TAFA1: variants seen among roughly 807,000 people sequenced by gnomAD.
TAFA1 encodes the protein TAFA chemokine like family member 1.
In TAFA1, 4 loss-of-function variants were observed where a neutral mutation model predicts 18.5. The observed-to-expected ratio is 0.22, with a 90% CI of 0.11 to 0.49. The LOEUF (loss-of-function observed/expected upper bound fraction) is 0.49. Ranked by LOEUF, TAFA1 falls within the 20% of genes least tolerant of loss-of-function variation. The pLI is 0.98. For synonymous variants in TAFA1, 56 were observed against 55.2 expected (o/e 1.01, Z -0.06); for missense variants, 147 against 169.0 (o/e 0.87, Z 0.72).
At chr3:68,087,104 C>T (rs1340684401) in intron 2 of TAFA1, among the ~76,000 whole-genome samples, 2 of 152,132 alleles carry the variant, frequency 1.3e-5, no homozygotes, top group Non-Finnish European at 2.9e-5. Flanking sequence ...AATAACCCTG[C>T]TTAGTTACCA....
chr3:67,996,291 G>A, the TAFA1 span, among the ~76,000 whole-genome samples: 1 of 152,144 alleles, frequency 6.6e-6, no homozygotes, highest in African/African-American at 2.4e-5. Context: ...AATAGGTGTG[G>A]ATATCAGTAC....
intron 3 of TAFA1, among the ~76,000 whole-genome samples, chr3:68,444,771 A>AATATATATATAT (rs55684696): frequency 2.3e-3 from 292 of 127,200 alleles, no homozygotes; most frequent in Middle Eastern, 4.1e-3. Context: ...GTTTCTACAA[A>AATATATATATAT]ATATATATAT....
At chr3:67,996,760 C>T in the TAFA1 span, among the ~76,000 whole-genome samples, 4 of 151,260 alleles carry the variant, frequency 2.6e-5, no homozygotes, top group Non-Finnish European at 2.9e-5. Flanking sequence ...GGTCACTGTA[C>T]TTCAGCTTGG....
intron 2 of TAFA1, among the ~76,000 whole-genome samples, chr3:68,107,093 A>T (rs1223174685): frequency 1.3e-5 from 2 of 152,130 alleles, no homozygotes; most frequent in African/African-American, 4.8e-5. Context: ...TTACCAGTTC[A>T]TAGGAGCCAA....
chr3:68,233,038 G>A (rs2066890103), intron 2 of TAFA1, among the ~76,000 whole-genome samples: 1 of 152,014 alleles, frequency 6.6e-6, no homozygotes, highest in Non-Finnish European at 1.5e-5. Context: ...CTTTTTGATA[G>A]TAGCTGTTCT....
intron 2 of TAFA1, among the ~76,000 whole-genome samples, chr3:68,399,372 T>C (rs2106740772): frequency 6.6e-6 from 1 of 152,314 alleles, no homozygotes; most frequent in South Asian, 2.1e-4. Context: ...ATTTCATTTC[T>C]CTGTTATTTG....
intron 2 of TAFA1, among the ~76,000 whole-genome samples, chr3:68,339,898 C>T (rs1172123384): frequency 6.6e-6 from 1 of 152,078 alleles, no homozygotes; most frequent in Non-Finnish European, 1.5e-5. Flanking sequence ...TTTGGATTTG[C>T]CAATGGCTTA....
At chr3:68,180,206 T>G (rs896485284) in intron 2 of TAFA1, among the ~76,000 whole-genome samples, 1 of 151,504 alleles carries the variant, frequency 6.6e-6, no homozygotes, top group African/African-American at 2.4e-5. Context: ...CTAATTTTTT[T>G]TTTTTGTATT....
intron 2 of TAFA1, among the ~76,000 whole-genome samples, chr3:68,300,544 G>T (rs2068284557): frequency 6.6e-6 from 1 of 152,106 alleles, no homozygotes; most frequent in African/African-American, 2.4e-5. Flanking sequence ...GTTAATGCTG[G>T]AATGAAGTTA....
At chr3:68,455,098 G>T (rs1426708879) in intron 3 of TAFA1, among the ~76,000 whole-genome samples, 25 of 152,058 alleles carry the variant, frequency 1.6e-4, no homozygotes, top group Admixed American at 1.6e-3. Flanking sequence ...CTAGAGAAAA[G>T]AAAATATTAT....
At chr3:68,514,386 G>A (rs192012427) in intron 3 of TAFA1, among the ~76,000 whole-genome samples, 1 of 152,172 alleles carries the variant, frequency 6.6e-6, no homozygotes, top group East Asian at 1.9e-4. Flanking sequence ...AATATGCATA[G>A]GTATATAAAT....
chr3:68,111,858 C>T (rs2065266723), intron 2 of TAFA1, among the ~76,000 whole-genome samples: 1 of 151,772 alleles, frequency 6.6e-6, no homozygotes, highest in South Asian at 2.1e-4. Context: ...TAGTAGTATT[C>T]TTAGTAGATT....
intron 3 of TAFA1, among the ~76,000 whole-genome samples, chr3:68,474,467 G>A (rs968536443): frequency 2.0e-5 from 3 of 152,174 alleles, no homozygotes; most frequent in African/African-American, 7.2e-5. Context: ...GAGCTATTCA[G>A]CTGTCAGAAC....
chr3:68,034,622 C>G lies in TAFA1; in HGVS notation c.118+27878C>G, dbSNP rs529512370. Among the ~76,000 whole-genome samples the G allele has an allele frequency of 1.8e-3, 281 of 152,318 alleles. 1 individual carries two copies. The highest frequency in any genetic ancestry group is 3.6e-3 in the Non-Finnish European group (248 of 68,026). ...TGCTGATTTCTGCTTTAGTACTTGT[C>G]TTCCTTTGAGTGGACAGTGAAGAAA... On this transcript the variant is annotated intron_variant, in intron 2 of 4. Coordinates refer to ENST00000478136, the MANE Select transcript of TAFA1 (RefSeq NM_213609.4).
chr3:68,078,432 A>G (rs1319711010), intron 2 of TAFA1, among the ~76,000 whole-genome samples: 1 of 152,148 alleles, frequency 6.6e-6, no homozygotes, highest in Non-Finnish European at 1.5e-5. Context: ...ATTCAGTATG[A>G]TATTGGCTGT....
chr3:68,501,194 G>A (rs1331623619), intron 3 of TAFA1, among the ~76,000 whole-genome samples: 1 of 148,006 alleles, frequency 6.8e-6, no homozygotes, highest in Non-Finnish European at 1.5e-5. Flanking sequence ...GTTTTAGGGA[G>A]CCAAAAATCT....
chr3:67,995,441 T>C, the TAFA1 span, among the ~76,000 whole-genome samples: 2 of 152,264 alleles, frequency 1.3e-5, no homozygotes, highest in South Asian at 2.1e-4. Flanking sequence ...AGATTGAGGA[T>C]TTCTGGCTTA....
chr3:68,129,662 A>G (rs2065513779), intron 2 of TAFA1, among the ~76,000 whole-genome samples: 1 of 152,196 alleles, frequency 6.6e-6, no homozygotes, highest in Non-Finnish European at 1.5e-5. Context: ...TATTATGTAT[A>G]TATTTTTTCC....
intron 2 of TAFA1, among the ~76,000 whole-genome samples, chr3:68,126,651 C>T (rs1377716689): frequency 6.6e-6 from 1 of 152,230 alleles, no homozygotes; most frequent in Non-Finnish European, 1.5e-5. Flanking sequence ...TTGGTACACA[C>T]CTTTCAAGAG....
Sources: gnomAD v4.1 joint callset for allele counts (sites outside exome capture counted in the v4.1 genomes callset) on GRCh38, gnomAD v4.1.1 for gene constraint, MANE v1.5 for transcripts, NCBI Gene and HGNC (gene_info 2026-07-23, HGNC 2026-07-21) for gene names.